FHIT: variants seen among roughly 807,000 people sequenced by gnomAD.
FHIT encodes the protein fragile histidine triad diadenosine triphosphatase.
FHIT carries 19 observed loss-of-function variants against 17.9 expected under a neutral mutation model. The observed-to-expected ratio is 1.06, with a 90% CI of 0.74 to 1.56. The LOEUF (loss-of-function observed/expected upper bound fraction) is 1.56. Among genes scored for constraint, FHIT ranks in the 40% most tolerant of loss-of-function variants. FHIT has a pLI of 0.00. For missense variants in FHIT, 248 were observed against 189.2 expected (o/e 1.31, Z -1.82); for synonymous variants, 81 against 69.7 (o/e 1.16, Z -0.81).
intron 5 of FHIT, among the ~76,000 whole-genome samples, chr3:60,106,475 G>A (rs916890137): frequency 6.6e-6 from 1 of 152,158 alleles, no homozygotes; most frequent in Non-Finnish European, 1.5e-5. Context: ...GATGGAAAAG[G>A]CATTAAATCT....
chr3:60,825,682 T>A (rs1702085929), intron 3 of FHIT, among the ~76,000 whole-genome samples: 1 of 152,026 alleles, frequency 6.6e-6, no homozygotes, highest in Admixed American at 6.6e-5. Flanking sequence ...CTCCTTATGA[T>A]GAGACCCTAA....
intron 8 of FHIT, among the ~76,000 whole-genome samples, chr3:59,840,793 T>G (rs760530698): frequency 6.6e-6 from 1 of 152,176 alleles, no homozygotes; most frequent in Admixed American, 6.6e-5. Context: ...CCTGCCTCAG[T>G]GCTTGACAGC....
intron 5 of FHIT, among the ~76,000 whole-genome samples, chr3:60,220,276 T>C (rs1358713555): frequency 6.6e-6 from 1 of 152,088 alleles, no homozygotes; most frequent in Non-Finnish European, 1.5e-5. Flanking sequence ...CTGATAAAAC[T>C]GGGTATAAAT....
At chr3:60,161,284 T>C (rs975222389) in intron 5 of FHIT, among the ~76,000 whole-genome samples, 2 of 152,176 alleles carry the variant, frequency 1.3e-5, no homozygotes, top group Non-Finnish European at 2.9e-5. Flanking sequence ...ACCCTTCCCA[T>C]GGGCATCACG....
intron 4 of FHIT, among the ~76,000 whole-genome samples, chr3:60,560,842 C>CAGAGAGAG (rs1473909531): frequency 2.3e-4 from 28 of 123,600 alleles, no homozygotes; most frequent in African/African-American, 6.8e-4. Context: ...CACACACACA[C>CAGAGAGAG]ACAGAGAGAG....
At chr3:60,945,006 G>T (rs913430100) in intron 3 of FHIT, among the ~76,000 whole-genome samples, 1 of 152,152 alleles carries the variant, frequency 6.6e-6, no homozygotes, top group Non-Finnish European at 1.5e-5. Context: ...AGATGAACAT[G>T]AATTTATAAT....
chr3:60,137,174 C>T lies in FHIT; in HGVS notation c.104-123022G>A, dbSNP rs565611288. 3.5e-4 allele frequency among the ~76,000 whole-genome samples: 54 copies of T among 152,250 alleles called. 1 individual carries two copies. In the South Asian group the frequency reaches 0.011, roughly 31 times the overall value. On this transcript the variant is annotated intron_variant, in intron 5 of 9. Coordinates refer to ENST00000492590, the MANE Select transcript of FHIT (RefSeq NM_002012.4). ...AAGAAAATACTGAAGCAGCTTTTCCCAACGGTACCTCGCCTCCCTAGAGCG... is the reference window on the plus strand; with the variant it reads ...AAGAAAATACTGAAGCAGCTTTTCCTAACGGTACCTCGCCTCCCTAGAGCG...
intron 5 of FHIT, among the ~76,000 whole-genome samples, chr3:60,490,716 C>G (rs2034028117): frequency 1.3e-5 from 2 of 150,520 alleles, no homozygotes; most frequent in Non-Finnish European, 3.0e-5. Context: ...CGTCTTCTGT[C>G]TCTTACTAAT....
chr3:60,205,200 C>T (rs1442397446), intron 5 of FHIT, among the ~76,000 whole-genome samples: 4 of 152,026 alleles, frequency 2.6e-5, no homozygotes, highest in Admixed American at 6.6e-5. Flanking sequence ...ATTATGTTAC[C>T]GCCACTGGAC....
intron 4 of FHIT, among the ~76,000 whole-genome samples, chr3:60,622,801 A>C (rs1336105854): frequency 6.6e-6 from 1 of 152,182 alleles, no homozygotes; most frequent in African/African-American, 2.4e-5. Flanking sequence ...TCAAGGTTTG[A>C]AACAATACAT....
At chr3:60,402,770 C>A (rs959516469) in intron 5 of FHIT, among the ~76,000 whole-genome samples, 32 of 152,230 alleles carry the variant, frequency 2.1e-4, no homozygotes, top group African/African-American at 7.7e-4. Context: ...ATTTTAGTTT[C>A]TTGAGGATTG....
At chr3:61,112,825 C>A (rs537033345) in intron 2 of FHIT, among the ~76,000 whole-genome samples, 1 of 152,118 alleles carries the variant, frequency 6.6e-6, no homozygotes, top group Non-Finnish European at 1.5e-5. Flanking sequence ...AACAGACTAA[C>A]GGTCAAGAGG....
At position 60,860,235 on chromosome 3, in the gene FHIT, T is replaced by TACATGGTATACATC. The variant is rs1553751162; in HGVS notation, c.-110-38225_-110-38224insGATGTATACCATGT. On this transcript the variant is annotated intron_variant, in intron 3 of 9. Transcript: ENST00000492590. ...GTATACATGAGATACATCATATGTATATATGGTATACATGAGATACATCAT... is the reference window on the plus strand; with the variant it reads ...GTATACATGAGATACATCATATGTATACATGGTATACATCATATGGTATACATGAGATACATCAT... 8.3e-4 allele frequency among the ~76,000 whole-genome samples: 102 copies of TACATGGTATACATC among 122,688 alleles called. 2 individuals are homozygous for TACATGGTATACATC. The highest frequency in any genetic ancestry group is 2.9e-3 in the African/African-American group (87 of 30,340). The allele number at this position is 122,688 out of a possible 152,430, so 80.5% of individuals were successfully genotyped here. A position where few individuals can be genotyped will look rare whatever the true frequency, so the allele number is the denominator to read the frequency against.
At chr3:59,817,957 GAAGA>G (rs897381978) in intron 8 of FHIT, among the ~76,000 whole-genome samples, 7 of 152,096 alleles carry the variant, frequency 4.6e-5, no homozygotes, top group Non-Finnish European at 1.0e-4. Context: ...AGGCTGGGGG[GAAGA>G]AAGAGAGGAA....
intron 5 of FHIT, among the ~76,000 whole-genome samples, chr3:60,417,827 C>G (rs1315319004): frequency 6.6e-6 from 1 of 152,158 alleles, no homozygotes; most frequent in Non-Finnish European, 1.5e-5. Flanking sequence ...TTAAGAGCAT[C>G]TCAGGCTGTA....
intron 1 of FHIT, among the ~76,000 whole-genome samples, chr3:61,213,610 T>A (rs1180864505): frequency 6.6e-6 from 1 of 152,126 alleles, no homozygotes; most frequent in Non-Finnish European, 1.5e-5. Context: ...GACAGAAAGT[T>A]AACAAGGATA....
At chr3:60,939,757 T>C (rs187981123) in intron 3 of FHIT, among the ~76,000 whole-genome samples, 14 of 152,268 alleles carry the variant, frequency 9.2e-5, no homozygotes, top group Non-Finnish European at 1.6e-4. Flanking sequence ...TCTTCAACAA[T>C]TGCATAATAA....
chr3:60,867,464 G>A (rs913400217), intron 3 of FHIT, among the ~76,000 whole-genome samples: 1 of 152,166 alleles, frequency 6.6e-6, no homozygotes, highest in Non-Finnish European at 1.5e-5. Context: ...AGATGTTATG[G>A]CTGTGAGCTG....
At chr3:60,104,482 C>CTTTT (rs35294469) in intron 5 of FHIT, among the ~76,000 whole-genome samples, 20 of 147,532 alleles carry the variant, frequency 1.4e-4, no homozygotes, top group African/African-American at 4.0e-4. Context: ...GTGAATTAAA[C>CTTTT]TTTTTTTTTT....
Sources: gnomAD v4.1 joint callset for allele counts (sites outside exome capture counted in the v4.1 genomes callset) on GRCh38, gnomAD v4.1.1 for gene constraint, MANE v1.5 for transcripts, NCBI Gene and HGNC (gene_info 2026-07-23, HGNC 2026-07-21) for gene names.